Variants in SLC38A9 observed in about 807,000 individuals in gnomAD.
The protein encoded by SLC38A9 is neutral amino acid transporter 9.
In SLC38A9, 48 loss-of-function variants were observed where a neutral mutation model predicts 62.3. That is an observed-to-expected ratio of 0.77 (90% CI 0.61 to 0.98). The LOEUF (loss-of-function observed/expected upper bound fraction) is 0.98, where lower values mean the gene tolerates loss of function less well. Ranked by LOEUF, SLC38A9 falls within the 50% of genes least tolerant of loss-of-function variation. The pLI is 0.00. For missense variants in SLC38A9, 541 were observed against 679.8 expected (o/e 0.80, Z 2.27); for synonymous variants, 204 against 227.7 (o/e 0.90, Z 0.94).
At chr5:55,637,608 T>C (rs1460440554) in intron 12 of SLC38A9, among the ~76,000 whole-genome samples, 4 of 152,206 alleles carry the variant, frequency 2.6e-5, no homozygotes, top group Non-Finnish European at 5.9e-5. Context: ...TTTTTCTTCT[T>C]TGTATCCCCA....
chr5:55,659,191 C>T (rs959410785), intron 8 of SLC38A9, among the ~76,000 whole-genome samples: 1 of 151,476 alleles, frequency 6.6e-6, no homozygotes, highest in Non-Finnish European at 1.5e-5. Context: ...GAAAGATTTC[C>T]TTATGAACAA....
At chr5:55,652,357 C>CAAA (rs60557392) in intron 10 of SLC38A9, among the ~76,000 whole-genome samples, 172 bp downstream of exon 10, 1,614 of 56,140 alleles carry the variant, frequency 0.029, 98 homozygotes, top group Middle Eastern at 0.083. Context: ...AACTCCGTCT[C>CAAA]AAAAAAAAAA....
At chr5:55,697,824 G>T in intron 3 of SLC38A9, 22 bp downstream of exon 3, 1 of 1,247,710 alleles carries the variant, frequency 8.0e-7, no homozygotes, top group Non-Finnish European at 1.1e-6. Flanking sequence ...ATTATGAAAT[G>T]TGTTTTATTT....
At chr5:55,695,330 G>T (rs1189462247) in intron 3 of SLC38A9, among the ~76,000 whole-genome samples, 2 of 116,212 alleles carry the variant, frequency 1.7e-5, no homozygotes, top group Admixed American at 8.6e-5. Context: ...GATTTGGCAG[G>T]GTCATAGGAC....
chr5:55,701,155 T>A (rs1202039444), intron 2 of SLC38A9, among the ~76,000 whole-genome samples: 2 of 152,156 alleles, frequency 1.3e-5, no homozygotes, highest in Non-Finnish European at 2.9e-5. Context: ...AGTATAGACA[T>A]AAACATTTTT....
At chr5:55,687,108 C>T (rs1165328844) in intron 3 of SLC38A9, among the ~76,000 whole-genome samples, 1 of 138,792 alleles carries the variant, frequency 7.2e-6, no homozygotes, top group African/African-American at 2.8e-5. Flanking sequence ...ATTGCCTTGG[C>T]TATTCAGGCT....
chr5:55,669,652 T>TG, intron 5 of SLC38A9, 32 bp from the exon 6 acceptor site: 1 of 1,595,096 alleles, frequency 6.3e-7, no homozygotes, highest in Non-Finnish European at 8.5e-7. Context: ...AGTAAAAAAA[T>TG]GGAGTTTCAC....
At chr5:55,672,443 T>A in intron 4 of SLC38A9, 120 bp downstream of exon 4, 2 of 1,122,408 alleles carry the variant, frequency 1.8e-6, no homozygotes, top group Non-Finnish European at 2.6e-6. Context: ...TGACTTTGCA[T>A]GATGCTGTCC....
At chr5:55,678,338 T>C (rs1752492769) in intron 3 of SLC38A9, among the ~76,000 whole-genome samples, 2 of 152,080 alleles carry the variant, frequency 1.3e-5, no homozygotes, top group Admixed American at 6.5e-5. Flanking sequence ...GGTTTCACTA[T>C]GTTGGCCAGG....
chr5:55,672,853 G>T, intron 3 of SLC38A9, 158 bp from the exon 4 acceptor site: 1 of 645,998 alleles, frequency 1.5e-6, no homozygotes, highest in Non-Finnish European at 2.6e-6. Flanking sequence ...TGTTACAAAA[G>T]AAGTATTATC....
intron 7 of SLC38A9, 142 bp downstream of exon 7, chr5:55,669,086 G>A: frequency 1.9e-6 from 1 of 517,380 alleles, no homozygotes; most frequent in Non-Finnish European, 3.4e-6. Context: ...CAATTTAGCT[G>A]AAAGCGATGA....
intron 12 of SLC38A9, among the ~76,000 whole-genome samples, chr5:55,637,983 T>TAA (rs202140774): frequency 4.7e-5 from 7 of 150,190 alleles, no homozygotes; most frequent in African/African-American, 1.2e-4. Context: ...ACAATAATAA[T>TAA]AAAAAAAAAG....
chr5:55,694,269 C>T, intron 3 of SLC38A9: 1 of 191,032 alleles, frequency 5.2e-6, no homozygotes, highest in Non-Finnish European at 1.1e-5. Flanking sequence ...TTCCTGATGG[C>T]ATGACAGGTA....
chr5:55,642,062 T>G (rs1193338464), intron 12 of SLC38A9, among the ~76,000 whole-genome samples: 1 of 152,244 alleles, frequency 6.6e-6, no homozygotes, highest in Non-Finnish European at 1.5e-5. Flanking sequence ...GTTTCTTTTT[T>G]GAGACGGAGT....
chr5:55,631,858 A>G (rs1743507382), intron 14 of SLC38A9, among the ~76,000 whole-genome samples: 1 of 152,150 alleles, frequency 6.6e-6, no homozygotes, highest in African/African-American at 2.4e-5. Flanking sequence ...ACTAAGATGA[A>G]CCTATAAAAA....
chr5:55,627,074 T>C (rs1742565618), intron 15 of SLC38A9, among the ~76,000 whole-genome samples: 1 of 152,188 alleles, frequency 6.6e-6, no homozygotes, highest in Non-Finnish European at 1.5e-5. Flanking sequence ...TACCATGGCA[T>C]TCAGCATGAT....
intron 8 of SLC38A9, among the ~76,000 whole-genome samples, chr5:55,661,330 A>C (rs191855246): frequency 1.3e-5 from 2 of 151,016 alleles, no homozygotes; most frequent in East Asian, 2.0e-4. Context: ...CTGTAGTCCT[A>C]GCTGCTGGGG....
intron 14 of SLC38A9, among the ~76,000 whole-genome samples, chr5:55,632,861 C>T (rs930561838): frequency 6.6e-6 from 1 of 152,190 alleles, no homozygotes; most frequent in Non-Finnish European, 1.5e-5. Flanking sequence ...TGCTGGAGTT[C>T]CCCACTCAGT....
chr5:55,644,952 G>C (rs1746077310), intron 12 of SLC38A9, among the ~76,000 whole-genome samples: 1 of 151,658 alleles, frequency 6.6e-6, no homozygotes, highest in African/African-American at 2.4e-5. Context: ...CCATCTATGA[G>C]TGAGAACATG....
Sources: gnomAD v4.1 joint callset for allele counts (sites outside exome capture counted in the v4.1 genomes callset) on GRCh38, gnomAD v4.1.1 for gene constraint, MANE v1.5 for transcripts, NCBI Gene and HGNC (gene_info 2026-07-23, HGNC 2026-07-21) for gene names.